The following MYO15A variants were observed in gnomAD, a reference collection of about 807,000 sequenced individuals.
MYO15A encodes myosin XVA.
MYO15A carries 308 observed loss-of-function variants against 394.6 expected under a neutral mutation model. The observed-to-expected ratio is 0.78, with a 90% CI of 0.71 to 0.86. The LOEUF is 0.86. Among genes scored for constraint, MYO15A ranks in the 40% least tolerant of loss-of-function variants. MYO15A has a pLI of 0.00. For synonymous variants in MYO15A, 1,957 were observed against 2,003.8 expected, an observed-to-expected ratio of 0.98 and a Z score of 0.62; for missense variants, 4,606 against 4,799.1, an observed-to-expected ratio of 0.96 and a Z score of 1.19.
At chr17:18,130,017 C>T (rs1261088675) in intron 7 of MYO15A, among the ~76,000 whole-genome samples, 2 of 152,146 alleles carry the variant, frequency 1.3e-5, no homozygotes, top group African/African-American at 4.8e-5. Flanking sequence ...GTAGCTGGGA[C>T]TACAGGCGCC....
At position 18,146,105 on chromosome 17, in the gene MYO15A, C is replaced by T. The variant is rs2142355360; in HGVS notation, c.6507C>T (p.Leu2169=). The part of the protein sequence containing the change: ...APSPCFNKYL[L]KFVSDYGRNG... The stretch of plus-strand genomic sequence containing the variant: ...CCCCGTGCTTCAACAAGTACCTTCT[C>T]AAGTGAGTGGGACTGGATAGGGGCT... Residue 2169 remains leucine (L), a splice_region_variant and synonymous_variant, in exon 30 of 66, where the codon CTC becomes CTT. Coordinates refer to ENST00000647165, the MANE Select transcript of MYO15A (RefSeq NM_016239.4). 1 of 1,613,736 alleles carries T rather than the reference C, an allele frequency of 6.2e-7. No homozygotes were observed. Among genetic ancestry groups the T allele is most frequent in the Middle Eastern group, 1.6e-4 (1 of 6,062 alleles).
rs575546518 is a variant in MYO15A at position 18,148,049 on chromosome 17, G to A, written c.6530G>A (p.Arg2177Gln). 7.7e-5 allele frequency: 124 copies of A among 1,614,080 alleles called. 2 individuals carry two copies. The South Asian group carries it at 7.8e-4, about 10-fold the overall frequency. ...YLLKFVSDYG[R>Q]NGFQAVCQHR... ...ATCAGGTTTGTGTCTGATTATGGGC[G>A]GAATGGCTTCCAGGCTGTGTGTCAG... Residue 2177 changes from arginine to glutamine, a missense_variant, in exon 31 of 66, where the codon CGG becomes CAG. Physicochemically the swap from Arg to Gln is conservative, Grantham distance 43. This residue lies in a region of MYO15A where 2,776 missense variants were observed against 3,109.3 expected (regional missense o/e 0.89). Transcript: ENST00000647165. This position sits in a 1 kb window ranked among gnomAD's most constrained non-coding sequence, Gnocchi z 4.8.
intron 2 of MYO15A, chr17:18,124,270 G>A (rs918013850): frequency 1.6e-6 from 1 of 626,748 alleles, no homozygotes; most frequent in South Asian, 1.8e-5. Context: ...GGCCTGCCTG[G>A]GCACTGAGGG....
intron 50 of MYO15A, 144 bp from the exon 51 acceptor site, chr17:18,157,578 C>T: frequency 6.9e-7 from 1 of 1,447,126 alleles, no homozygotes. Flanking sequence ...CCTGTTTCCT[C>T]ATCTGTAAAA....
chr17:18,146,121 G>T lies in MYO15A; in HGVS notation c.6509+14G>T. The T allele has an allele frequency of 2.5e-6, 4 of 1,612,910 alleles. No individual in the cohort carries two copies. Among genetic ancestry groups the T allele is most frequent in the Middle Eastern group, 3.3e-4 (2 of 6,058 alleles). On this transcript the variant is annotated intron_variant, in intron 30 of 65. Transcript: ENST00000647165. ...GTACCTTCTCAAGTGAGTGGGACTG[G>T]ATAGGGGCTGGGACACGAGGGACGG...
chr17:18,142,060 G>C lies in MYO15A; in HGVS notation c.5650-19G>C. ...CCTCCTGGCTCCTATCTGCCTCAGT[G>C]CCTTCCTCCTGTCCTTAGCTGTTCC... On this transcript the variant is annotated intron_variant, in intron 23 of 65. Transcript: ENST00000647165. 6.2e-7 allele frequency: 1 copy of C among 1,611,198 alleles called. No homozygotes were observed. Among genetic ancestry groups the C allele is most frequent in the Non-Finnish European group, 8.5e-7 (1 of 1,179,986 alleles).
chr17:18,139,032 C>T, intron 18 of MYO15A, 96 bp downstream of exon 18: 1 of 1,525,862 alleles, frequency 6.6e-7, no homozygotes, highest in South Asian at 1.2e-5. Flanking sequence ...CATTCACAGC[C>T]AGGTCCAATT....
At chr17:18,131,184 G>A in intron 8 of MYO15A, 55 bp from the exon 9 acceptor site, 1 of 1,480,616 alleles carries the variant, frequency 6.8e-7, no homozygotes, top group Non-Finnish European at 9.4e-7. Context: ...CCCCCACCCA[G>A]GCCCCCAGAA....
Position 18,119,715 on chromosome 17 carries a change from C to A in MYO15A, c.915C>A (p.Tyr305Ter), listed in dbSNP as rs200695102. ...YGGPFDPGYT[Y>*]GYGYDDYEPP... ...GCCCCTTTGATCCGGGGTACACCTA[C>A]GGCTACGGCTACGACGATTACGAAC... is the stretch of plus-strand genomic sequence containing the variant. The change falls in exon 2 of 66, where the codon TAC (tyrosine) becomes TAA (stop). Residue 305 changes from tyrosine to a stop codon, truncating the protein, a stop_gained. Coordinates refer to ENST00000647165, the MANE Select transcript of MYO15A (RefSeq NM_016239.4). LOFTEE classifies it high-confidence loss of function. 2 of 1,611,468 alleles carry A rather than the reference C, an allele frequency of 1.2e-6. No individual in the cohort carries two copies. The highest frequency in any genetic ancestry group is 1.3e-5 in the African/African-American group (1 of 74,890).
At chr17:18,163,152 C>T (rs2046800586) in intron 58 of MYO15A, 92 bp from the exon 59 acceptor site, 1 of 1,366,956 alleles carries the variant, frequency 7.3e-7, no homozygotes, top group Admixed American at 1.7e-5. Context: ...AGCCCAGGAT[C>T]CTTTGGCTTG....
At position 18,126,357 on chromosome 17, in the gene MYO15A, G is replaced by A; in HGVS notation, c.3767G>A (p.Gly1256Glu). 6.2e-7 allele frequency: 1 copy of A among 1,613,894 alleles called. No individual in the cohort carries two copies. The highest frequency in any genetic ancestry group is 8.5e-7 in the Non-Finnish European group (1 of 1,179,894). ...CCGTCTGCCCAGCAGACATACATTG[G>A]GAGCATCCTGGTGTCGGTGAACCCA... Reference protein sequence around the residue: ...FERNLIYTYIGSILVSVNPYQ... With the variant: ...FERNLIYTYIESILVSVNPYQ... Residue 1256 changes from glycine to glutamate, a missense_variant, in exon 5 of 66, where the codon GGG (glycine) becomes GAG (glutamate). Transcript: ENST00000647165.
chr17:18,138,968 G>C (rs772682109), intron 18 of MYO15A, 32 bp downstream of exon 18: 1 of 1,597,324 alleles, frequency 6.3e-7, no homozygotes, highest in African/African-American at 1.3e-5. Context: ...CTGGACGCTG[G>C]TGCTGCAGTG....
chr17:18,150,336 G>A lies in MYO15A; in HGVS notation c.7213-93G>A. 2.6e-6 allele frequency: 3 copies of A among 1,146,548 alleles called. No homozygotes were observed. Among genetic ancestry groups the A allele is most frequent in the South Asian group, 1.3e-5 (1 of 79,590 alleles). 71.0% of individuals were successfully genotyped at this position (1,146,548 alleles called of 1,614,324 possible). A position where few individuals can be genotyped will look rare whatever the true frequency, so the allele number is the denominator to read the frequency against. ...TGGGAGGCTGCCCCCTCCCACGAGA[G>A]GGTGGGGAAGAGGCCAGTGTCAGGT... On this transcript the variant is annotated intron_variant, in intron 35 of 65. Coordinates refer to ENST00000647165, the MANE Select transcript of MYO15A (RefSeq NM_016239.4). This position sits in a 1 kb window ranked among gnomAD's most constrained non-coding sequence, Gnocchi z 4.4.
intron 47 of MYO15A, 146 bp from the exon 48 acceptor site, chr17:18,156,049 A>T (rs1007019002): frequency 1.4e-4 from 171 of 1,253,452 alleles, no homozygotes; most frequent in Non-Finnish European, 1.8e-4. Flanking sequence ...GGGAAGCAGG[A>T]AGCTTAGGGT....
Position 18,150,428 on chromosome 17 carries a change from G to A in MYO15A, c.7213-1G>A. Reference sequence around the variant, plus strand: ...TCACTTGAGCCACCCACTGCCCCCAGGACCTGGAGAAGCCAACAGCCATTG... The same window carrying A: ...TCACTTGAGCCACCCACTGCCCCCAAGACCTGGAGAAGCCAACAGCCATTG... On this transcript the variant is annotated splice_acceptor_variant, in intron 35 of 65. Transcript: ENST00000647165. LOFTEE classifies it high-confidence loss of function. The surrounding 1 kb of genome is among the most constrained non-coding windows in gnomAD (Gnocchi z 4.4). The A allele has an allele frequency of 1.9e-6, 3 of 1,613,988 alleles. No homozygotes were observed. The highest frequency in any genetic ancestry group is 1.1e-5 in the South Asian group (1 of 91,070).
chr17:18,121,790 G>A lies in MYO15A; in HGVS notation c.2990G>A (p.Gly997Glu). The change falls in exon 2 of 66, where the codon GGG (glycine) becomes GAG (glutamate). Residue 997 changes from glycine (G) to glutamate (E), a missense_variant. Physicochemically the swap from Gly to Glu is moderately conservative, Grantham distance 98. Around this residue, in one of 2 missense-constraint regions of MYO15A, gnomAD observed 1,830 missense variants for 1,689.7 expected, o/e 1.08. Transcript: ENST00000647165. This position sits in a 1 kb window ranked among gnomAD's most constrained non-coding sequence, Gnocchi z 5.3. ...RVFLGRHHEPGPGQLTKSAGP... is the reference protein window; with the variant it reads ...RVFLGRHHEPEPGQLTKSAGP... ...TTCCTGGGCAGACACCATGAGCCGG[G>A]GCCTGGACAGCTCACCAAATCAGCT... The A allele has an allele frequency of 6.2e-7, 1 of 1,612,604 alleles. No individual in the cohort carries two copies.
rs1240681942 is a variant in MYO15A at position 18,138,194 on chromosome 17, T to C, written c.4955T>C (p.Leu1652Pro). ...DNQPCINLIS[L>P]KPYGILRILD... ...CAGCCCTGCATCAACCTCATCTCAC[T>C]GAAGCCTTATGGCATCCTGCGGATC... is the stretch of plus-strand genomic sequence containing the variant. The change falls in exon 17 of 66, where the codon CTG becomes CCG. Residue 1652 changes from leucine to proline, a missense_variant. Physicochemically the swap from Leu to Pro is moderately conservative, Grantham distance 98. Coordinates refer to ENST00000647165, the MANE Select transcript of MYO15A (RefSeq NM_016239.4). 1 of 1,613,654 alleles carries C rather than the reference T, an allele frequency of 6.2e-7. No individual in the cohort carries two copies.
chr17:18,159,160 C>A, intron 53 of MYO15A, 115 bp from the exon 54 acceptor site: 1 of 1,411,272 alleles, frequency 7.1e-7, no homozygotes, highest in Non-Finnish European at 9.9e-7. Flanking sequence ...TTGGGCCTGG[C>A]TCCCCTTTTG....
intron 13 of MYO15A, 107 bp from the exon 14 acceptor site, chr17:18,136,310 T>A: frequency 7.3e-7 from 1 of 1,367,044 alleles, no homozygotes; most frequent in Non-Finnish European, 1.0e-6. Context: ...AGTCACAACA[T>A]CCCTCCAGCC....
Sources: allele counts gnomAD v4.1 joint callset (sites outside exome capture counted in the v4.1 genomes callset), GRCh38; gene constraint gnomAD v4.1.1; regional missense constraint gnomAD v4.1.1; non-coding constraint Gnocchi (gnomAD v3.1); transcripts MANE v1.5; gene names NCBI Gene and HGNC (gene_info 2026-07-23, HGNC 2026-07-21).